Variants in LCT observed in about 807,000 individuals in gnomAD.
The protein encoded by LCT is lactase, also known as lactase/phlorizin hydrolase.
LCT carries 90 observed loss-of-function variants against 173.0 expected under a neutral mutation model. That is an observed-to-expected ratio of 0.52 (90% CI 0.44 to 0.62). LCT has a LOEUF of 0.62. Ranked by LOEUF, LCT falls within the 20% of genes least tolerant of loss-of-function variation. The probability of loss-of-function intolerance (pLI) is 0.00; values close to 1 mark genes in which losing one functional copy is unlikely to be tolerated. For synonymous variants in LCT, 853 were observed against 957.6 expected, an observed-to-expected ratio of 0.89 and a Z score of 2.02; for missense variants, 1,864 against 2,431.4, an observed-to-expected ratio of 0.77 and a Z score of 4.91.
At chr2:135,810,981 C>T (rs1277801262) in intron 7 of LCT, among the ~76,000 whole-genome samples, 2 of 151,126 alleles carry the variant, frequency 1.3e-5, no homozygotes, top group African/African-American at 4.9e-5. Context: ...GAGCTGAGAT[C>T]GCGCCACTGC....
intron 13 of LCT, 111 bp downstream of exon 13, chr2:135,797,918 C>A: frequency 1.3e-6 from 1 of 753,400 alleles, no homozygotes; most frequent in Admixed American, 1.8e-5. Flanking sequence ...CATATATGAT[C>A]ACATGTAACT....
At position 135,812,571 on chromosome 2, in the gene LCT, G is replaced by A; in HGVS notation, c.2093C>T (p.Thr698Ile). The A allele has an allele frequency of 6.2e-7, 1 of 1,613,644 alleles. No individual in the cohort carries two copies. ...AATGGTATCATAGCTAGGGATGCAGGTGTTTTGTGGGGCGTTGCTGATGAG... is the reference window on the plus strand; with the variant it reads ...AATGGTATCATAGCTAGGGATGCAGATGTTTTGTGGGGCGTTGCTGATGAG... Reference protein sequence around the residue: ...SRLISNAPQNTCIPSYDTIGG... With the variant: ...SRLISNAPQNICIPSYDTIGG... The change falls in exon 7 of 17, where the codon ACC becomes ATC. Residue 698 changes from threonine to isoleucine, a missense_variant. Transcript: ENST00000264162.
Position 135,807,409 on chromosome 2 carries a change from C to T in LCT, c.3905-13G>A. ...TCGAGCCTGTAGGCTGGGAACATCC[C>T]AAAGGGAGCAGAGGAGAGCTTGACA... On this transcript the variant is annotated splice_polypyrimidine_tract_variant and intron_variant, in intron 8 of 16. Coordinates refer to ENST00000264162, the MANE Select transcript of LCT (RefSeq NM_002299.4). The T allele has an allele frequency of 1.2e-6, 2 of 1,613,924 alleles. No homozygotes were observed. The highest frequency in any genetic ancestry group is 8.5e-7 in the Non-Finnish European group (1 of 1,179,962).
chr2:135,799,226 TGGTGTTTCC>T (rs2077606310), intron 12 of LCT, among the ~76,000 whole-genome samples: 1 of 152,186 alleles, frequency 6.6e-6, no homozygotes, highest in Non-Finnish European at 1.5e-5. Context: ...CCAAGGCCCA[TGGTGTTTCC>T]CCCGAGAGAG....
intron 12 of LCT, among the ~76,000 whole-genome samples, chr2:135,798,783 T>C (rs900710121): frequency 3.3e-5 from 5 of 152,128 alleles, no homozygotes; most frequent in Non-Finnish European, 7.3e-5. Context: ...CCTCACCCAC[T>C]GGCTGCTGCT....
intron 9 of LCT, 120 bp from the exon 10 acceptor site, chr2:135,805,177 A>G (rs2077659528): frequency 1.0e-6 from 1 of 979,798 alleles, no homozygotes; most frequent in East Asian, 2.5e-5. Flanking sequence ...GCTTAGCTTA[A>G]AACAAGCACA....
chr2:135,798,374 G>A (rs1222858346), intron 12 of LCT, among the ~76,000 whole-genome samples: 1 of 152,200 alleles, frequency 6.6e-6, no homozygotes, highest in African/African-American at 2.4e-5. Flanking sequence ...CCTCTTCATA[G>A]TTGTAGCTTG....
rs79387751 is a variant in LCT at position 135,806,924 on chromosome 2, G to A, written c.4173+204C>T. Among the ~76,000 whole-genome samples the A allele has an allele frequency of 0.011, 1,601 of 152,334 alleles. 102 individuals are homozygous for A. In the East Asian group the frequency reaches 0.19, roughly 18 times the overall value. On this transcript the variant is annotated intron_variant, in intron 9 of 16. Coordinates refer to ENST00000264162, the MANE Select transcript of LCT (RefSeq NM_002299.4). The stretch of plus-strand genomic sequence containing the variant: ...CTGCAAGCACCCATCTCAGGACAGC[G>A]AGCCTCACCATGCTGGTCTGGGTAA...
intron 3 of LCT, among the ~76,000 whole-genome samples, chr2:135,825,479 C>A (rs1377893948): frequency 7.9e-5 from 12 of 152,212 alleles, no homozygotes; most frequent in Admixed American, 7.9e-4. Flanking sequence ...GACGGATATG[C>A]CATGAGGCAG....
chr2:135,789,436 A>C (rs2077517095), intron 16 of LCT, 135 bp downstream of exon 16: 2 of 706,866 alleles, frequency 2.8e-6, no homozygotes, highest in East Asian at 5.4e-5. Flanking sequence ...CAAAGAAAAT[A>C]AACATTTGTT....
At position 135,817,393 on chromosome 2, in the gene LCT, C is replaced by T; in HGVS notation, c.1655G>A (p.Gly552Asp). 1.9e-6 allele frequency: 3 copies of T among 1,614,108 alleles called. No homozygotes were observed. Among genetic ancestry groups the T allele is most frequent in the Non-Finnish European group, 2.5e-6 (3 of 1,179,986 alleles). The change falls in exon 6 of 17, where the codon GGC becomes GAC. Residue 552 changes from glycine (G) to aspartate (D), a missense_variant. Gly to Asp is a moderately conservative substitution (Grantham distance 94, BLOSUM62 -1). Coordinates refer to ENST00000264162, the MANE Select transcript of LCT (RefSeq NM_002299.4). ...GATGCCGGGAGGGTGCTGGCCGGTG[C>T]CATAGCCTGCGTAGCTCATCACCCA... ...EPWVMSYAGYGTGQHPPGISD... is the reference protein window; with the variant it reads ...EPWVMSYAGYDTGQHPPGISD...
chr2:135,793,172 C>T (rs190328125), intron 14 of LCT, among the ~76,000 whole-genome samples: 36 of 152,344 alleles, frequency 2.4e-4, no homozygotes, highest in African/African-American at 8.7e-4. Flanking sequence ...TTGAGAAAAC[C>T]AGTGCACGAA....
In LCT at chr2:135,836,005, T is replaced by C. The variant is rs1419031747; in HGVS notation, c.640+525A>G. Among the ~76,000 whole-genome samples, 9 of 18,382 alleles carry C rather than the reference T, an allele frequency of 4.9e-4. 1 individual carries two copies. The highest frequency in any genetic ancestry group is 2.1e-3 in the Non-Finnish European group (6 of 2,840). 12.1% of individuals were successfully genotyped at this position (18,382 alleles called of 152,430 possible). A position where few individuals can be genotyped will look rare whatever the true frequency, so the allele number is the denominator to read the frequency against. On this transcript the variant is annotated intron_variant, in intron 1 of 16. Transcript: ENST00000264162. Reference sequence around the variant, plus strand: ...ATATATATATATATATATATATATATATATATATATGTATACATATTTTTT... The same window carrying C: ...ATATATATATATATATATATATATACATATATATATGTATACATATTTTTT...
rs188011548 is a variant in LCT at position 135,812,876 on chromosome 2, G to A, written c.1788C>T (p.His596=). 36 of 1,614,182 alleles carry A rather than the reference G, an allele frequency of 2.2e-5. No homozygotes were observed. The highest frequency in any genetic ancestry group is 5.0e-5 in the Admixed American group (3 of 60,016). The change falls in exon 7 of 17, where the codon CAC becomes CAT. Residue 596 remains histidine, a synonymous_variant. Transcript: ENST00000264162. ...AGTCTGAGTTCAGCACAATGCCCAC[G>A]TGCCCCTGCTGCTGTGGGCGATGAT... ...NSHHRPQQQG[H]VGIVLNSDWA... is the part of the protein sequence containing the mutation.
intron 3 of LCT, among the ~76,000 whole-genome samples, chr2:135,827,226 GC>G (rs1474648386): frequency 4.6e-5 from 7 of 152,160 alleles, no homozygotes; most frequent in African/African-American, 1.7e-4. Context: ...TGATCCGCCT[GC>G]CTCAACCTCC....
chr2:135,794,832 A>G, intron 13 of LCT, 57 bp from the exon 14 acceptor site: 1 of 1,604,610 alleles, frequency 6.2e-7, no homozygotes, highest in Non-Finnish European at 8.5e-7. Flanking sequence ...CTTTGAGAAG[A>G]GAACGTCATA....
chr2:135,800,975 C>T (rs1239688031), intron 11 of LCT, among the ~76,000 whole-genome samples, 166 bp from the exon 12 acceptor site: 1 of 152,170 alleles, frequency 6.6e-6, no homozygotes, highest in Non-Finnish European at 1.5e-5. Context: ...TATTACCTGG[C>T]TGTGTAACTT....
chr2:135,825,518 G>C lies in LCT; in HGVS notation c.805-1515C>G, dbSNP rs150438176. 9.0e-4 allele frequency among the ~76,000 whole-genome samples: 137 copies of C among 152,328 alleles called. 1 individual carries two copies. The highest frequency in any genetic ancestry group is 3.0e-3 in the African/African-American group (125 of 41,574). ...GTGATGTCCCAGGGCTGGAGAGCTA[G>C]AGGAGCCTCGGAGGCCCCCAGCCTG... On this transcript the variant is annotated intron_variant, in intron 3 of 16. Coordinates refer to ENST00000264162, the MANE Select transcript of LCT (RefSeq NM_002299.4).
At chr2:135,833,503 G>GTCGTGCCA (rs2077956877) in intron 1 of LCT, among the ~76,000 whole-genome samples, 2 of 140,170 alleles carry the variant, frequency 1.4e-5, no homozygotes, top group Admixed American at 1.5e-4. Flanking sequence ...CTGGAGTGCA[G>GTCGTGCCA]TCGTGCCATC....
Sources: allele counts gnomAD v4.1 joint callset (sites outside exome capture counted in the v4.1 genomes callset), GRCh38; gene constraint gnomAD v4.1.1; transcripts MANE v1.5; gene names NCBI Gene and HGNC (gene_info 2026-07-23, HGNC 2026-07-21).